STRIP2: variants seen among roughly 807,000 people sequenced by gnomAD.
STRIP2 encodes the protein striatin interacting protein 2.
A neutral mutation model predicts 107.1 loss-of-function variants in STRIP2; 84 were observed. That is an observed-to-expected ratio of 0.78 (90% CI 0.66 to 0.94). The LOEUF (loss-of-function observed/expected upper bound fraction) is 0.94. Ranked by LOEUF, STRIP2 falls within the 40% of genes least tolerant of loss-of-function variation. STRIP2 has a pLI of 0.00. For missense variants in STRIP2, 888 were observed against 1,034.2 expected (o/e 0.86, Z 1.94); for synonymous variants, 394 against 400.4 (o/e 0.98, Z 0.19).
At chr7:129,455,553 G>A (rs1798323328) in intron 8 of STRIP2, among the ~76,000 whole-genome samples, 182 bp downstream of exon 8, 1 of 152,182 alleles carries the variant, frequency 6.6e-6, no homozygotes, top group Non-Finnish European at 1.5e-5. Context: ...TGTTAGAATG[G>A]GTTTCATGTT....
intron 1 of STRIP2, 102 bp downstream of exon 1, chr7:129,434,703 C>A: frequency 7.6e-7 from 1 of 1,320,168 alleles, no homozygotes; most frequent in Non-Finnish European, 9.8e-7. Flanking sequence ...TCGGCGCGCT[C>A]GATCAGCCCC....
chr7:129,438,310 A>G (rs1368529818), intron 1 of STRIP2, among the ~76,000 whole-genome samples: 2 of 152,246 alleles, frequency 1.3e-5, no homozygotes, highest in Non-Finnish European at 2.9e-5. Flanking sequence ...CCATTTAAAT[A>G]TTCAATAAGG....
chr7:129,453,389 T>C, intron 5 of STRIP2, 42 bp downstream of exon 5: 1 of 1,611,678 alleles, frequency 6.2e-7, no homozygotes, highest in African/African-American at 1.3e-5. Flanking sequence ...ATAACCCCCA[T>C]TCCTTAAAGG....
At chr7:129,456,692 C>A in intron 9 of STRIP2, 50 bp downstream of exon 9, 2 of 1,529,894 alleles carry the variant, frequency 1.3e-6, no homozygotes, top group Non-Finnish European at 1.8e-6. Flanking sequence ...GGCCAAAAAT[C>A]AAGATTCTAA....
Position 129,483,243 on chromosome 7 carries a change from A to G in STRIP2, c.2254+197A>G, listed in dbSNP as rs1799172956. 11 of 1,276,244 alleles carry G rather than the reference A, an allele frequency of 8.6e-6. No homozygotes were observed. The highest frequency in any genetic ancestry group is 9.9e-6 in the Non-Finnish European group (10 of 1,011,202). The allele number at this position is 1,276,244 out of a possible 1,614,324, so 79.1% of individuals were successfully genotyped here. A position where few individuals can be genotyped will look rare whatever the true frequency, so the allele number is the denominator to read the frequency against. On this transcript the variant is annotated intron_variant, in intron 20 of 20. Coordinates refer to ENST00000249344, the MANE Select transcript of STRIP2 (RefSeq NM_020704.3). This position sits in a 1 kb window ranked among gnomAD's most constrained non-coding sequence, Gnocchi z 5.1. ...CTAGTATGTACCCTTGTCCTATGTA[A>G]ACTATGAAAATCCGTTTTATAAAAC...
intron 18 of STRIP2, among the ~76,000 whole-genome samples, chr7:129,479,870 C>T (rs1253245896): frequency 2.0e-5 from 3 of 151,958 alleles, no homozygotes; most frequent in African/African-American, 7.3e-5. Context: ...AGCCTAATAC[C>T]CTCAAAAACT....
Position 129,444,117 on chromosome 7 carries a change from T to C in STRIP2, c.274+19T>C. 6.3e-7 allele frequency: 1 copy of C among 1,586,162 alleles called. No homozygotes were observed. Among genetic ancestry groups the C allele is most frequent in the Non-Finnish European group, 8.6e-7 (1 of 1,156,148 alleles). On this transcript the variant is annotated intron_variant, in intron 3 of 20. Transcript: ENST00000249344. ...ACTCAAGGTAATTCCAGATCTTTACTCATAGAGACCTGCTTTTTCCTTTTA... is the reference window on the plus strand; with the variant it reads ...ACTCAAGGTAATTCCAGATCTTTACCCATAGAGACCTGCTTTTTCCTTTTA...
chr7:129,471,484 T>C (rs1159249895), intron 18 of STRIP2, among the ~76,000 whole-genome samples: 1 of 152,252 alleles, frequency 6.6e-6, no homozygotes, highest in African/African-American at 2.4e-5. Context: ...GTCTGGTACA[T>C]TGAAGAGCTC....
In STRIP2 at chr7:129,463,048, G is replaced by A. The variant is rs769171706; in HGVS notation, c.1551+8G>A. On this transcript the variant is annotated splice_region_variant and intron_variant, in intron 14 of 20. Coordinates refer to ENST00000249344, the MANE Select transcript of STRIP2 (RefSeq NM_020704.3). ...AGCCTTCCGCAGTATATGGTAAGGA[G>A]ATGGCTAGGCCAGAGCTGCCCTTCT... 1 of 1,610,238 alleles carries A rather than the reference G, an allele frequency of 6.2e-7. No individual in the cohort carries two copies. Among genetic ancestry groups the A allele is most frequent in the African/African-American group, 1.3e-5 (1 of 74,780 alleles).
rs758536953 is a variant in STRIP2 at position 129,450,918 on chromosome 7, C to CTTTTTTT, written c.275-665_275-659dup. ...GGCCACAGCATTAGTGAGAAAGGTC[C>CTTTTTTT]TTTTTTTTTTTTTTTTTTTTTTTTT... On this transcript the variant is annotated intron_variant, in intron 3 of 20. Transcript: ENST00000249344. 1.8e-4 allele frequency among the ~76,000 whole-genome samples: 10 copies of CTTTTTTT among 54,512 alleles called. 3 individuals are homozygous for CTTTTTTT. Among genetic ancestry groups the CTTTTTTT allele is most frequent in the Admixed American group, 9.2e-4 (3 of 3,278 alleles). 35.8% of individuals were successfully genotyped at this position (54,512 alleles called of 152,430 possible).
chr7:129,437,097 T>C (rs1257314142), intron 1 of STRIP2, among the ~76,000 whole-genome samples: 2 of 152,204 alleles, frequency 1.3e-5, no homozygotes, highest in African/African-American at 4.8e-5. Flanking sequence ...ACAGTGTTTT[T>C]CAAACTGCTA....
rs1429655372 is a variant in STRIP2 at position 129,472,783 on chromosome 7, T to C, written c.1944+2068T>C. ...GAATTTTCTTTTCTTTTCCTTTTTT[T>C]TTTTTTTTTTTTTTTTTTTTTGAGA... On this transcript the variant is annotated intron_variant, in intron 18 of 20. Coordinates refer to ENST00000249344, the MANE Select transcript of STRIP2 (RefSeq NM_020704.3). Among the ~76,000 whole-genome samples the C allele has an allele frequency of 5.7e-4, 72 of 125,718 alleles. 2 individuals are homozygous for C. The highest frequency in any genetic ancestry group is 9.3e-4 in the Non-Finnish European group (55 of 58,896). The allele number at this position is 125,718 out of a possible 152,430, so 82.5% of individuals were successfully genotyped here.
intron 3 of STRIP2, among the ~76,000 whole-genome samples, chr7:129,444,852 C>A (rs1023822652): frequency 6.6e-6 from 1 of 151,894 alleles, no homozygotes; most frequent in African/African-American, 2.4e-5. Flanking sequence ...GATATGAAGT[C>A]AATAAATCTT....
intron 18 of STRIP2, among the ~76,000 whole-genome samples, chr7:129,475,543 CTTTTTTTTTCTT>C (rs1798895508): frequency 1.2e-5 from 1 of 83,444 alleles, no homozygotes; most frequent in Non-Finnish European, 2.4e-5. Flanking sequence ...GGTGATGACT[CTTTTTTTTTCTT>C]TTTTTTTTTT....
At chr7:129,451,139 T>G (rs983784562) in intron 3 of STRIP2, among the ~76,000 whole-genome samples, 1 of 151,648 alleles carries the variant, frequency 6.6e-6, no homozygotes, top group African/African-American at 2.4e-5. Flanking sequence ...GGTTTCACCG[T>G]TTTTTTAGCC....
intron 14 of STRIP2, among the ~76,000 whole-genome samples, 188 bp downstream of exon 14, chr7:129,463,228 T>TA (rs1798588811): frequency 6.6e-6 from 1 of 152,244 alleles, no homozygotes; most frequent in South Asian, 2.1e-4. Context: ...CTGTTCTCCC[T>TA]AGTCCTTCTT....
chr7:129,470,575 T>G, intron 17 of STRIP2, 74 bp from the exon 18 acceptor site: 4 of 1,242,922 alleles, frequency 3.2e-6, no homozygotes, highest in Non-Finnish European at 4.7e-6. Context: ...AAATAACTCC[T>G]GCCCTTTCCA....
Position 129,451,062 on chromosome 7 carries a change from A to T in STRIP2, c.275-551A>T, listed in dbSNP as rs1000195978. 5.4e-5 allele frequency among the ~76,000 whole-genome samples: 8 copies of T among 146,988 alleles called. No homozygotes were observed. In the East Asian group the frequency reaches 1.6e-3, roughly 29 times the overall value. On this transcript the variant is annotated intron_variant, in intron 3 of 20. Coordinates refer to ENST00000249344, the MANE Select transcript of STRIP2 (RefSeq NM_020704.3). ...CGCCATTCTCCTGCCTCAGCCTCCC[A>T]AGTAGCTGGGACTACAGGCGCCCGC...
chr7:129,442,525 T>A lies in STRIP2; in HGVS notation c.200-1499T>A, dbSNP rs556058746. ...CTGGGTAGAAGATAATACACAGGTG[T>A]CTTAAATGTACTATTCTGTTCTTAC... On this transcript the variant is annotated intron_variant, in intron 2 of 20. Transcript: ENST00000249344. 2.6e-5 allele frequency among the ~76,000 whole-genome samples: 4 copies of A among 152,294 alleles called. No homozygotes were observed. The East Asian group carries it at 7.7e-4, about 29-fold the overall frequency.
Sources: allele counts gnomAD v4.1 joint callset (sites outside exome capture counted in the v4.1 genomes callset), GRCh38; gene constraint gnomAD v4.1.1; non-coding constraint Gnocchi (gnomAD v3.1); transcripts MANE v1.5; gene names NCBI Gene and HGNC (gene_info 2026-07-23, HGNC 2026-07-21).